Variants in GCH1 observed in about 807,000 individuals in gnomAD.
GCH1 encodes the protein GTP cyclohydrolase I.
In GCH1, 5 loss-of-function variants were observed where a neutral mutation model predicts 25.9. The ratio of observed to expected loss-of-function variants is 0.19; its 90% CI spans 0.10 to 0.41. The LOEUF (loss-of-function observed/expected upper bound fraction) is 0.41. Ranked by LOEUF, GCH1 falls within the 10% of genes least tolerant of loss-of-function variation. The pLI is 1.00. For missense variants in GCH1, 261 were observed against 336.5 expected (o/e 0.78, Z 1.75); for synonymous variants, 159 against 129.6 (o/e 1.23, Z -1.54).
chr14:54,845,261 T>C (rs7493025), intron 5 of GCH1, among the ~76,000 whole-genome samples: 28,389 of 151,642 alleles, frequency 0.19, 3,532 homozygotes, highest in African/African-American at 0.35. Flanking sequence ...GGGTGGATCA[T>C]GAGGTCAGGA....
At chr14:54,862,940 A>G (rs1359928182) in intron 2 of GCH1, among the ~76,000 whole-genome samples, 1 of 152,138 alleles carries the variant, frequency 6.6e-6, no homozygotes, top group African/African-American at 2.4e-5. Context: ...TTAGAACAAA[A>G]GGGACTTAAC....
intron 3 of GCH1, among the ~76,000 whole-genome samples, chr14:54,848,048 T>G (rs1030815721): frequency 2.6e-5 from 4 of 152,152 alleles, no homozygotes; most frequent in Non-Finnish European, 5.9e-5. Flanking sequence ...GATAGGTTTA[T>G]GTAAGCACTT....
intron 1 of GCH1, among the ~76,000 whole-genome samples, chr14:54,877,522 C>G (rs2040180166): frequency 6.6e-6 from 1 of 152,064 alleles, no homozygotes; most frequent in Non-Finnish European, 1.5e-5. Flanking sequence ...GAGACAGGGT[C>G]TCCCTCTGTT....
chr14:54,855,945 G>A (rs1045628573), intron 3 of GCH1, among the ~76,000 whole-genome samples: 23 of 151,988 alleles, frequency 1.5e-4, no homozygotes, highest in African/African-American at 5.3e-4. Flanking sequence ...TCTAACTCTG[G>A]GGAATGAAAA....
chr14:54,852,990 A>G lies in GCH1; in HGVS notation c.510-5860T>C, dbSNP rs372277525. Among the ~76,000 whole-genome samples the G allele has an allele frequency of 1.4e-4, 21 of 152,164 alleles. 3 individuals are homozygous for G. The highest frequency in any genetic ancestry group is 9.8e-4 in the Admixed American group (15 of 15,276). On this transcript the variant is annotated intron_variant, in intron 3 of 5. Coordinates refer to ENST00000491895, the MANE Select transcript of GCH1 (RefSeq NM_000161.3). ...TTTTATTTATTTATTTTTGAGACAGAGTTTTTGCTCTTGCCCAGGCTGGAG... is the reference window on the plus strand; with the variant it reads ...TTTTATTTATTTATTTTTGAGACAGGGTTTTTGCTCTTGCCCAGGCTGGAG...
At chr14:54,897,523 A>C (rs1194966004) in intron 1 of GCH1, among the ~76,000 whole-genome samples, 1 of 148,364 alleles carries the variant, frequency 6.7e-6, no homozygotes, top group Non-Finnish European at 1.5e-5. Context: ...TCCCAACCTC[A>C]GGTGATCCAC....
At chr14:54,900,613 A>G (rs867934361) in intron 1 of GCH1, among the ~76,000 whole-genome samples, 6 of 152,294 alleles carry the variant, frequency 3.9e-5, no homozygotes, top group Middle Eastern at 3.4e-3. Context: ...CCATTTCTCA[A>G]GTAAATCTGT....
intron 3 of GCH1, among the ~76,000 whole-genome samples, chr14:54,850,443 G>A (rs2039710573): frequency 6.6e-6 from 1 of 150,826 alleles, no homozygotes; most frequent in Non-Finnish European, 1.5e-5. Context: ...CTCCCAAGTA[G>A]CTGGGATTAG....
chr14:54,858,893 C>T (rs1477471623), intron 3 of GCH1, among the ~76,000 whole-genome samples: 3 of 152,144 alleles, frequency 2.0e-5, no homozygotes, highest in East Asian at 3.9e-4. Context: ...CACAGATGAA[C>T]GTGTATGTAC....
chr14:54,881,746 C>CA (rs1170164612), intron 1 of GCH1, among the ~76,000 whole-genome samples: 1 of 151,936 alleles, frequency 6.6e-6, no homozygotes, highest in Non-Finnish European at 1.5e-5. Context: ...TAATGTATTG[C>CA]AAAAAAAGTA....
At position 54,890,413 on chromosome 14, in the gene GCH1, G is replaced by A. The variant is rs183350569; in HGVS notation, c.343+11908C>T. Reference sequence around the variant, plus strand: ...TTGGGAAGGCTGAGGCAGGAGAATCGCTTGAACCTGGGAGGTGGAGGTTGC... The same window carrying A: ...TTGGGAAGGCTGAGGCAGGAGAATCACTTGAACCTGGGAGGTGGAGGTTGC... On this transcript the variant is annotated intron_variant, in intron 1 of 5. Coordinates refer to ENST00000491895, the MANE Select transcript of GCH1 (RefSeq NM_000161.3). Among the ~76,000 whole-genome samples the A allele has an allele frequency of 5.6e-3, 849 of 152,272 alleles. 1 individual carries two copies. Among genetic ancestry groups the A allele is most frequent in the South Asian group, 0.016 (75 of 4,822 alleles).
chr14:54,871,947 C>T (rs534457558), intron 1 of GCH1, among the ~76,000 whole-genome samples: 2 of 152,214 alleles, frequency 1.3e-5, no homozygotes, highest in African/African-American at 2.4e-5. Flanking sequence ...AGGAGAACTT[C>T]CCCAATCTAG....
chr14:54,848,187 A>G (rs950313641), intron 3 of GCH1, among the ~76,000 whole-genome samples: 1 of 143,124 alleles, frequency 7.0e-6, no homozygotes, highest in Non-Finnish European at 1.5e-5. Context: ...TCCAGGCTGG[A>G]GTGCAATGGC....
chr14:54,881,486 C>T (rs2040272013), intron 1 of GCH1, among the ~76,000 whole-genome samples: 1 of 152,206 alleles, frequency 6.6e-6, no homozygotes, highest in South Asian at 2.1e-4. Flanking sequence ...CTTTCACTTT[C>T]ATCATGAGTA....
intron 3 of GCH1, among the ~76,000 whole-genome samples, chr14:54,853,941 T>C (rs1191568996): frequency 6.6e-6 from 1 of 152,198 alleles, no homozygotes; most frequent in East Asian, 1.9e-4. Flanking sequence ...AATTTGACCT[T>C]TTCTAATGGT....
chr14:54,863,563 A>G (rs1256045083), intron 2 of GCH1, among the ~76,000 whole-genome samples: 1 of 150,888 alleles, frequency 6.6e-6, no homozygotes, highest in Non-Finnish European at 1.5e-5. Context: ...GAATAGATAA[A>G]TTGTGGTATA....
chr14:54,897,221 C>T (rs538056183), intron 1 of GCH1, among the ~76,000 whole-genome samples: 23 of 149,290 alleles, frequency 1.5e-4, no homozygotes, highest in Admixed American at 2.0e-4. Flanking sequence ...CTCTTGACCT[C>T]GTTATTTGCC....
chr14:54,889,503 T>C (rs190493578), intron 1 of GCH1, among the ~76,000 whole-genome samples: 30 of 152,330 alleles, frequency 2.0e-4, no homozygotes, highest in African/African-American at 4.3e-4. Context: ...GGAAGAGCCA[T>C]GGCCTCTTAG....
At position 54,858,727 on chromosome 14, in the gene GCH1, A is replaced by C. The variant is rs2039851643; in HGVS notation, c.509+954T>G. ...TGTTCTTAACTTTCTCTCTCTCTCC[A>C]CACACACACACACCTCCCAGTATTT... On this transcript the variant is annotated intron_variant, in intron 3 of 5. Transcript: ENST00000491895. Among the ~76,000 whole-genome samples, 4 of 151,406 alleles carry C rather than the reference A, an allele frequency of 2.6e-5. No individual in the cohort carries two copies. The South Asian group carries it at 8.3e-4, about 32-fold the overall frequency.
Sources: allele counts gnomAD v4.1 joint callset (sites outside exome capture counted in the v4.1 genomes callset), GRCh38; gene constraint gnomAD v4.1.1; transcripts MANE v1.5; gene names NCBI Gene and HGNC (gene_info 2026-07-23, HGNC 2026-07-21).